Variants in ROBO2 observed in about 807,000 individuals in gnomAD.
ROBO2 encodes roundabout guidance receptor 2, also known as roundabout homolog 2.
A neutral mutation model predicts 160.8 loss-of-function variants in ROBO2; 53 were observed. The observed-to-expected ratio is 0.33, with a 90% CI of 0.26 to 0.41. The LOEUF (loss-of-function observed/expected upper bound fraction) is 0.41. ROBO2 is among the 10% of genes least tolerant of loss of function. The probability of loss-of-function intolerance (pLI) is 1.00; values close to 1 mark genes in which losing one functional copy is unlikely to be tolerated. For missense variants in ROBO2, 1,577 were observed against 1,722.4 expected, an observed-to-expected ratio of 0.92 and a Z score of 1.49; for synonymous variants, 664 against 611.7, an observed-to-expected ratio of 1.09 and a Z score of -1.26.
intron 2 of ROBO2, among the ~76,000 whole-genome samples, chr3:76,422,863 T>C (rs2076050730): frequency 6.6e-6 from 1 of 152,076 alleles, no homozygotes; most frequent in Non-Finnish European, 1.5e-5. Flanking sequence ...GGTGATAAAT[T>C]AAGGGGTCAT....
chr3:77,296,758 G>C (rs534047961), intron 2 of ROBO2, among the ~76,000 whole-genome samples: 2 of 152,218 alleles, frequency 1.3e-5, no homozygotes, highest in South Asian at 4.1e-4. Flanking sequence ...TGCTGCTCCT[G>C]CAGGACAAAA....
intron 1 of ROBO2, among the ~76,000 whole-genome samples, chr3:77,055,253 T>C (rs1282839981): frequency 6.6e-6 from 1 of 152,130 alleles, no homozygotes; most frequent in Non-Finnish European, 1.5e-5. Context: ...AAAGAGCATA[T>C]AAATATTATA....
At chr3:75,911,561 T>TC (rs1946585698) in intron 1 of ROBO2, among the ~76,000 whole-genome samples, 1 of 130,382 alleles carries the variant, frequency 7.7e-6, no homozygotes, top group African/African-American at 3.0e-5. Flanking sequence ...TCTTTTTTTT[T>TC]TTTTTTTTTT....
At chr3:76,041,133 C>G (rs761850730) in intron 2 of ROBO2, among the ~76,000 whole-genome samples, 3 of 151,976 alleles carry the variant, frequency 2.0e-5, no homozygotes, top group African/African-American at 7.3e-5. Context: ...TATGCTTAAT[C>G]GGAAATCCTG....
intron 2 of ROBO2, among the ~76,000 whole-genome samples, chr3:76,737,726 A>G (rs174812): frequency 0.85 from 128,669 of 152,188 alleles, 54,509 homozygotes; most frequent in African/African-American, 0.88. Context: ...CTCTAGAGAA[A>G]TTGTATAGTG....
chr3:76,674,369 G>T lies in ROBO2; in HGVS notation c.110-423645G>T, dbSNP rs1385445149. Among the ~76,000 whole-genome samples the T allele has an allele frequency of 3.9e-5, 6 of 152,014 alleles. 1 individual carries two copies. The East Asian group carries it at 9.7e-4, about 25-fold the overall frequency. On this transcript the variant is annotated intron_variant, in intron 2 of 26. Coordinates refer to the ROBO2 transcript ENST00000487694. The stretch of plus-strand genomic sequence containing the variant: ...GGCAGCATCCCCCAGGTGGGAAAAC[G>T]TGTAGTGCTGGGCACCAGGTCACTG...
chr3:76,344,888 T>C (rs1292567316), intron 2 of ROBO2, among the ~76,000 whole-genome samples: 3 of 152,172 alleles, frequency 2.0e-5, no homozygotes, highest in South Asian at 2.1e-4. Context: ...ATACACCTTA[T>C]TATACTTAAT....
At chr3:77,130,816 C>A (rs543674463) in intron 2 of ROBO2, among the ~76,000 whole-genome samples, 1 of 152,084 alleles carries the variant, frequency 6.6e-6, no homozygotes, top group Non-Finnish European at 1.5e-5. Context: ...TCAAAGTAAT[C>A]GCCATGATTT....
At chr3:76,171,011 G>A (rs1334735017) in intron 2 of ROBO2, among the ~76,000 whole-genome samples, 8 of 152,096 alleles carry the variant, frequency 5.3e-5, no homozygotes, top group African/African-American at 1.9e-4. Context: ...AGAGGCAAGG[G>A]TTACTGTCCC....
intron 6 of ROBO2, among the ~76,000 whole-genome samples, chr3:77,532,426 G>A (rs899430723): frequency 1.3e-5 from 2 of 151,872 alleles, no homozygotes; most frequent in East Asian, 1.9e-4. Flanking sequence ...TTTCTAGGAC[G>A]CAACAAGCCA....
At chr3:75,915,373 G>A (rs148371427) in intron 1 of ROBO2, among the ~76,000 whole-genome samples, 74 of 152,242 alleles carry the variant, frequency 4.9e-4, no homozygotes, top group East Asian at 1.9e-3. Flanking sequence ...TAAAATAGCC[G>A]TTAATGAAAT....
intron 1 of ROBO2, among the ~76,000 whole-genome samples, chr3:77,084,779 A>G (rs2069094630): frequency 1.3e-5 from 2 of 152,152 alleles, no homozygotes. Flanking sequence ...TGAGACTCAT[A>G]TATTTTAGTG....
intron 2 of ROBO2, among the ~76,000 whole-genome samples, chr3:77,019,299 T>C (rs893903776): frequency 6.6e-6 from 1 of 152,144 alleles, no homozygotes; most frequent in Admixed American, 6.5e-5. Flanking sequence ...GTGTCTTCCA[T>C]AGTGGAAGGG....
chr3:77,345,381 A>G (rs920873419), intron 2 of ROBO2, among the ~76,000 whole-genome samples: 3 of 152,130 alleles, frequency 2.0e-5, no homozygotes, highest in African/African-American at 4.8e-5. Context: ...TTGGTCATAG[A>G]TGTCAGCCCC....
chr3:76,103,224 G>A (rs541237563), intron 2 of ROBO2, among the ~76,000 whole-genome samples: 3 of 152,258 alleles, frequency 2.0e-5, no homozygotes, highest in East Asian at 3.9e-4. Flanking sequence ...TAGTTTCTGG[G>A]AAGCACAGTA....
At chr3:75,961,582 T>G (rs1576308187) in intron 2 of ROBO2, among the ~76,000 whole-genome samples, 1 of 151,786 alleles carries the variant, frequency 6.6e-6, no homozygotes, top group Non-Finnish European at 1.5e-5. Context: ...GGGTGTAGCA[T>G]TCTTTATAAT....
chr3:77,395,237 C>T (rs2075154541), intron 2 of ROBO2, among the ~76,000 whole-genome samples: 1 of 152,088 alleles, frequency 6.6e-6, no homozygotes, highest in African/African-American at 2.4e-5. Flanking sequence ...TTTAATTTCT[C>T]CTGCTTCATC....
chr3:76,236,828 A>T (rs1704975465), intron 2 of ROBO2, among the ~76,000 whole-genome samples: 1 of 152,162 alleles, frequency 6.6e-6, no homozygotes, highest in South Asian at 2.1e-4. Context: ...AAATTACTAG[A>T]TAACGTAAGA....
At chr3:76,093,470 ATATAT>A (rs1445644003) in intron 2 of ROBO2, among the ~76,000 whole-genome samples, 1 of 115,666 alleles carries the variant, frequency 8.6e-6, no homozygotes, top group Non-Finnish European at 1.7e-5. Flanking sequence ...ACAGTTTATA[ATATAT>A]TATGTGTAAG....
Sources: gnomAD v4.1 joint callset for allele counts (sites outside exome capture counted in the v4.1 genomes callset) on GRCh38, gnomAD v4.1.1 for gene constraint, MANE v1.5 for transcripts, NCBI Gene and HGNC (gene_info 2026-07-23, HGNC 2026-07-21) for gene names.